SYT16: variants seen among roughly 807,000 people sequenced by gnomAD.
The protein encoded by SYT16 is synaptotagmin 16.
A neutral mutation model predicts 61.4 loss-of-function variants in SYT16; 42 were observed. That is an observed-to-expected ratio of 0.68 (90% confidence interval 0.53 to 0.89). The LOEUF is 0.89. Ranked by LOEUF, SYT16 falls within the 40% of genes least tolerant of loss-of-function variation. The pLI, the probability that SYT16 is intolerant of heterozygous loss-of-function variation, is 0.00. For missense variants in SYT16, 804 were observed against 807.3 expected (o/e 1.00, Z 0.05); for synonymous variants, 314 against 302.3 (o/e 1.04, Z -0.40).
intron 1 of SYT16, among the ~76,000 whole-genome samples, chr14:61,820,469 G>GTTTTTTTTTTTTT (rs71117856): frequency 3.3e-5 from 2 of 61,090 alleles, no homozygotes; most frequent in Admixed American, 3.1e-4. Flanking sequence ...CCTCTTCAGA[G>GTTTTTTTTTTTTT]TTTTTTTTTT....
intron 1 of SYT16, among the ~76,000 whole-genome samples, chr14:61,906,210 G>C (rs949691969): frequency 3.3e-5 from 5 of 152,246 alleles, no homozygotes; most frequent in Admixed American, 2.0e-4. Context: ...GGAGAGGGCT[G>C]TGTCTACTGG....
At chr14:62,043,470 T>C (rs969806193) in intron 3 of SYT16, among the ~76,000 whole-genome samples, 32 of 149,508 alleles carry the variant, frequency 2.1e-4, no homozygotes, top group East Asian at 2.0e-3. Flanking sequence ...TGCAGTGGTG[T>C]GATCTCAGCA....
intron 1 of SYT16, among the ~76,000 whole-genome samples, chr14:61,955,062 T>C (rs935514270): frequency 6.6e-6 from 1 of 152,148 alleles, no homozygotes; most frequent in Admixed American, 6.5e-5. Context: ...TATTAGTACT[T>C]CAGTTTTTCA....
chr14:62,109,136 T>G lies in SYT16; in HGVS notation c.*8429T>G, dbSNP rs2141039959. On this transcript the variant is annotated 3_prime_UTR_variant, in exon 8 of 8. Coordinates refer to ENST00000683842, the MANE Select transcript of SYT16 (RefSeq NM_001367656.1). ...ACGTGTGTCCACTATTGTAGTATCA[T>G]ACAGAAGATTTTCACTGCCCTAAAA... 1 of 152,324 alleles carries G rather than the reference T, an allele frequency of 6.6e-6. No homozygotes were observed. The highest frequency in any genetic ancestry group is 2.1e-4 in the South Asian group (1 of 4,834). The allele number at this position is 152,324 out of a possible 1,614,324, so 9.4% of individuals were successfully genotyped here. A position where few individuals can be genotyped will look rare whatever the true frequency, so the allele number is the denominator to read the frequency against.
rs1012190943 is a variant in SYT16, at chr14:62,110,345, A to T, written c.*9638A>T. 6.6e-6 allele frequency: 1 copy of T among 152,056 alleles called. No individual in the cohort carries two copies. Among genetic ancestry groups the T allele is most frequent in the African/African-American group, 2.4e-5 (1 of 41,370 alleles). 9.4% of individuals were successfully genotyped at this position (152,056 alleles called of 1,614,324 possible). ...GTGGTTGTAGGAACAGGATTCATTC[A>T]TTCCTTCATTAATATAATGAACACT... On this transcript the variant is annotated 3_prime_UTR_variant, in exon 8 of 8. Coordinates refer to ENST00000683842, the MANE Select transcript of SYT16 (RefSeq NM_001367656.1).
At chr14:61,886,524 A>C (rs2047906649) in intron 1 of SYT16, among the ~76,000 whole-genome samples, 1 of 152,230 alleles carries the variant, frequency 6.6e-6, no homozygotes, top group Non-Finnish European at 1.5e-5. Context: ...CTGTCTTAAG[A>C]AACCACTTTG....
At chr14:62,071,785 C>T (rs997296508) in intron 4 of SYT16, among the ~76,000 whole-genome samples, 3 of 152,152 alleles carry the variant, frequency 2.0e-5, no homozygotes, top group African/African-American at 7.2e-5. Flanking sequence ...GTTGTAGAAA[C>T]AGTTCTTCCA....
chr14:61,824,817 CATA>C (rs2045725172), intron 1 of SYT16, among the ~76,000 whole-genome samples: 1 of 152,140 alleles, frequency 6.6e-6, no homozygotes, highest in South Asian at 2.1e-4. Context: ...AAACTACTTT[CATA>C]ATAATAAGAA....
chr14:62,098,746 G>T (rs183747239), intron 7 of SYT16, among the ~76,000 whole-genome samples: 128 of 152,288 alleles, frequency 8.4e-4, no homozygotes, highest in Non-Finnish European at 1.5e-3. Flanking sequence ...CTGGAAAACT[G>T]CATCTTTGCA....
chr14:62,078,426 C>T (rs950416961), intron 5 of SYT16, among the ~76,000 whole-genome samples: 7 of 151,998 alleles, frequency 4.6e-5, no homozygotes, highest in African/African-American at 1.7e-4. Context: ...GAGTTTCGTC[C>T]TCCATAAAAT....
chr14:61,942,138 G>A (rs2050235040), intron 1 of SYT16, among the ~76,000 whole-genome samples: 1 of 152,166 alleles, frequency 6.6e-6, no homozygotes, highest in Non-Finnish European at 1.5e-5. Flanking sequence ...TGTAGATAAT[G>A]GGATGTTTTT....
At chr14:61,898,953 A>G (rs914061258) in intron 1 of SYT16, among the ~76,000 whole-genome samples, 5 of 152,220 alleles carry the variant, frequency 3.3e-5, no homozygotes, top group Non-Finnish European at 7.3e-5. Context: ...CATATTGGGC[A>G]GAATGGAGGA....
chr14:61,875,213 A>G (rs928880861), intron 1 of SYT16, among the ~76,000 whole-genome samples: 8 of 152,186 alleles, frequency 5.3e-5, no homozygotes, highest in Non-Finnish European at 2.9e-5. Flanking sequence ...ATGGCTTTAG[A>G]GTATAGATGT....
chr14:62,027,319 G>A (rs1401328372), intron 3 of SYT16, among the ~76,000 whole-genome samples: 1 of 152,146 alleles, frequency 6.6e-6, no homozygotes, highest in East Asian at 1.9e-4. Context: ...TGATATCGAT[G>A]TAGGACCAAG....
At chr14:61,859,354 G>A (rs1161917419) in intron 1 of SYT16, among the ~76,000 whole-genome samples, 2 of 152,036 alleles carry the variant, frequency 1.3e-5, no homozygotes, top group African/African-American at 4.8e-5. Context: ...GAGTTCATTA[G>A]CATAATAAGA....
At chr14:61,984,634 G>A (rs1273560282) in intron 2 of SYT16, among the ~76,000 whole-genome samples, 1 of 152,138 alleles carries the variant, frequency 6.6e-6, no homozygotes, top group Non-Finnish European at 1.5e-5. Flanking sequence ...TCCTCAGTAA[G>A]TAAGATTCCA....
At chr14:61,904,019 A>G (rs1249587707) in intron 1 of SYT16, among the ~76,000 whole-genome samples, 1 of 152,176 alleles carries the variant, frequency 6.6e-6, no homozygotes, top group African/African-American at 2.4e-5. Context: ...TTTTCAGTCT[A>G]TTCCTACAAA....
chr14:62,049,164 A>G (rs1442264194), intron 3 of SYT16, among the ~76,000 whole-genome samples: 5 of 152,154 alleles, frequency 3.3e-5, no homozygotes, highest in African/African-American at 2.4e-5. Context: ...GTGCTCCTGT[A>G]TTGGGTACAT....
intron 3 of SYT16, among the ~76,000 whole-genome samples, chr14:62,011,868 TATATATACAC>T (rs2053465337): frequency 1.6e-5 from 1 of 62,140 alleles, no homozygotes; most frequent in Non-Finnish European, 3.3e-5. Context: ...CAGGGAACAC[TATATATACAC>T]ACACACACAC....
Sources: allele counts gnomAD v4.1 joint callset (sites outside exome capture counted in the v4.1 genomes callset), GRCh38; gene constraint gnomAD v4.1.1; transcripts MANE v1.5; gene names NCBI Gene and HGNC (gene_info 2026-07-23, HGNC 2026-07-21).